PDS5B: variants seen among roughly 807,000 people sequenced by gnomAD.
The protein encoded by PDS5B is PDS5 cohesin associated factor B.
Under a neutral mutation model 184.1 loss-of-function variants are expected in PDS5B, and 51 were observed. The ratio of observed to expected loss-of-function variants is 0.28; its 90% confidence interval spans 0.22 to 0.35. The LOEUF (loss-of-function observed/expected upper bound fraction) is 0.35. Ranked by LOEUF, PDS5B falls within the 10% of genes least tolerant of loss-of-function variation. The probability of loss-of-function intolerance (pLI) is 1.00; values close to 1 mark genes in which losing one functional copy is unlikely to be tolerated. For synonymous variants in PDS5B, 566 were observed against 569.2 expected (o/e 0.99, Z 0.08); for missense variants, 1,180 against 1,723.3 (o/e 0.68, Z 5.58).
chr13:32,618,956 T>A (rs2058256518), intron 1 of PDS5B, among the ~76,000 whole-genome samples: 1 of 152,218 alleles, frequency 6.6e-6, no homozygotes, highest in African/African-American at 2.4e-5. Flanking sequence ...ATAGTCAAGT[T>A]TCCATATACA....
At chr13:32,693,355 ATTTGAACTGGT>A (rs1951608071) in intron 13 of PDS5B, among the ~76,000 whole-genome samples, 1 of 151,966 alleles carries the variant, frequency 6.6e-6, no homozygotes, top group South Asian at 2.1e-4. Context: ...GGTGTCCCAA[ATTTGAACTGGT>A]TTATCTCCTT....
intron 18 of PDS5B, among the ~76,000 whole-genome samples, chr13:32,708,457 T>C (rs1262258098): frequency 2.0e-5 from 3 of 152,298 alleles, no homozygotes; most frequent in South Asian, 2.1e-4. Context: ...CTTGGTAATA[T>C]CTTATTTTTT....
At chr13:32,637,309 T>C (rs893607567) in intron 1 of PDS5B, among the ~76,000 whole-genome samples, 1 of 146,196 alleles carries the variant, frequency 6.8e-6, no homozygotes, top group Non-Finnish European at 1.5e-5. Context: ...ATTGTAAATA[T>C]TGAAAGGGAA....
chr13:32,588,178 A>G (rs1279546755), intron 1 of PDS5B, among the ~76,000 whole-genome samples: 1 of 152,218 alleles, frequency 6.6e-6, no homozygotes, highest in Admixed American at 6.5e-5. Flanking sequence ...ATGAGTATTC[A>G]ATGGTGTATG....
At chr13:32,639,648 A>G (rs1305674924) in intron 1 of PDS5B, among the ~76,000 whole-genome samples, 4 of 152,230 alleles carry the variant, frequency 2.6e-5, no homozygotes, top group African/African-American at 7.2e-5. Flanking sequence ...AGAATAAGCT[A>G]AACTTCTTAC....
At chr13:32,691,698 C>G (rs1461216609) in intron 13 of PDS5B, among the ~76,000 whole-genome samples, 1 of 152,040 alleles carries the variant, frequency 6.6e-6, no homozygotes, top group Non-Finnish European at 1.5e-5. Context: ...TTTTAATGGG[C>G]AACCAAGGTT....
intron 3 of PDS5B, among the ~76,000 whole-genome samples, chr13:32,654,003 C>A (rs1478815833): frequency 6.6e-6 from 1 of 152,190 alleles, no homozygotes; most frequent in Non-Finnish European, 1.5e-5. Flanking sequence ...CTGTTTCTAA[C>A]AGGACAATTT....
chr13:32,738,908 G>A (rs1047220678), intron 21 of PDS5B, among the ~76,000 whole-genome samples: 17 of 152,140 alleles, frequency 1.1e-4, no homozygotes, highest in Admixed American at 9.2e-4. Flanking sequence ...CTGAACTCAC[G>A]TGATCCACCC....
chr13:32,634,545 A>G (rs1004538414), intron 1 of PDS5B, among the ~76,000 whole-genome samples: 1 of 151,738 alleles, frequency 6.6e-6, no homozygotes, highest in African/African-American at 2.4e-5. Context: ...GACACCTAGA[A>G]GGGGAATTGC....
intron 33 of PDS5B, among the ~76,000 whole-genome samples, chr13:32,771,965 A>G (rs1177718381): frequency 1.4e-4 from 21 of 151,848 alleles, no homozygotes; most frequent in East Asian, 7.7e-4. Context: ...AAAAATTGAT[A>G]TGGAAGAAGA....
chr13:32,652,272 T>TG, intron 3 of PDS5B: 1 of 298,960 alleles, frequency 3.3e-6, no homozygotes, highest in South Asian at 6.8e-5. Flanking sequence ...ATTATAATTT[T>TG]GGGGGCAATT....
At chr13:32,753,605 T>A in intron 25 of PDS5B, 69 bp downstream of exon 25, 1 of 914,752 alleles carries the variant, frequency 1.1e-6, no homozygotes, top group Non-Finnish European at 1.6e-6. Context: ...GAATATAGCA[T>A]GATATATGAT....
chr13:32,729,577 T>G (rs1212285648), intron 19 of PDS5B, among the ~76,000 whole-genome samples: 2 of 152,222 alleles, frequency 1.3e-5, no homozygotes, highest in Non-Finnish European at 2.9e-5. Context: ...TGTAAAAACG[T>G]TCCTATTTCT....
intron 1 of PDS5B, among the ~76,000 whole-genome samples, chr13:32,641,474 C>A (rs2140624686): frequency 6.6e-6 from 1 of 152,302 alleles, no homozygotes; most frequent in East Asian, 1.9e-4. Context: ...TATGTTTTCA[C>A]TGAGGGTGAT....
rs1954953802 is a variant in PDS5B, at chr13:32,776,283, G to C, written c.*1231G>C. On this transcript the variant is annotated 3_prime_UTR_variant, in exon 35 of 35. Transcript: ENST00000315596. ...ATTTTGGAGCCAAAAAATTGATTCTGGGGGGTGGGGGCAGCGTAGAAGTGG... is the reference window on the plus strand; with the variant it reads ...ATTTTGGAGCCAAAAAATTGATTCTCGGGGGTGGGGGCAGCGTAGAAGTGG... 1 of 152,448 alleles carries C rather than the reference G, an allele frequency of 6.6e-6. No homozygotes were observed. Among genetic ancestry groups the C allele is most frequent in the Non-Finnish European group, 1.5e-5 (1 of 68,018 alleles). 9.4% of individuals were successfully genotyped at this position (152,448 alleles called of 1,614,324 possible).
rs546459851 is a variant in PDS5B at position 32,679,577 on chromosome 13, A to G, written c.1057+648A>G. On this transcript the variant is annotated intron_variant, in intron 10 of 34. Coordinates refer to ENST00000315596, the MANE Select transcript of PDS5B (RefSeq NM_015032.4). ...CTTGAACCTGGGAGGCAGAGGTTGC[A>G]GTGAGCTGAGATTGTGCCATTGCAC... Among the ~76,000 whole-genome samples the G allele has an allele frequency of 5.6e-4, 86 of 152,250 alleles. 1 individual carries two copies. In the South Asian group the frequency reaches 0.015, roughly 27 times the overall value.
intron 5 of PDS5B, 60 bp from the exon 6 acceptor site, chr13:32,659,094 T>G: frequency 7.7e-7 from 1 of 1,302,400 alleles, no homozygotes; most frequent in Non-Finnish European, 1.0e-6. Context: ...CAGTGTCATC[T>G]TAAGAGTAAA....
At chr13:32,593,783 G>A (rs957612067) in intron 1 of PDS5B, among the ~76,000 whole-genome samples, 4 of 152,162 alleles carry the variant, frequency 2.6e-5, no homozygotes, top group Non-Finnish European at 5.9e-5. Context: ...TGTTGAATAG[G>A]TTGAGGAGAA....
chr13:32,640,695 A>T (rs1392581513), intron 1 of PDS5B, among the ~76,000 whole-genome samples: 1 of 152,190 alleles, frequency 6.6e-6, no homozygotes, highest in Non-Finnish European at 1.5e-5. Flanking sequence ...ATTCTAGGTT[A>T]TAGTTTTACT....
Sources: gnomAD v4.1 joint callset for allele counts (sites outside exome capture counted in the v4.1 genomes callset) on GRCh38, gnomAD v4.1.1 for gene constraint, MANE v1.5 for transcripts, NCBI Gene and HGNC (gene_info 2026-07-23, HGNC 2026-07-21) for gene names.